SLC25A30: variants seen among roughly 807,000 people sequenced by gnomAD.
The protein encoded by SLC25A30 is kidney mitochondrial carrier protein 1.
In SLC25A30, 29 loss-of-function variants were observed where a neutral mutation model predicts 42.7. That is an observed-to-expected ratio of 0.68 (90% confidence interval 0.51 to 0.93). SLC25A30 has a LOEUF of 0.93. Ranked by LOEUF, SLC25A30 falls within the 40% of genes least tolerant of loss-of-function variation. The pLI, the probability that SLC25A30 is intolerant of heterozygous loss-of-function variation, is 0.00. For missense variants in SLC25A30, 300 were observed against 359.7 expected, an observed-to-expected ratio of 0.83 and a Z score of 1.34; for synonymous variants, 124 against 131.0, an observed-to-expected ratio of 0.95 and a Z score of 0.37.
At position 45,405,920 on chromosome 13, in the gene SLC25A30, G is replaced by C; in HGVS notation, c.270C>G (p.Tyr90Ter). ...CAATGAATAGTCGCTTCAAGCTCTG[G>C]TAAGTGCCTATCTTGATGGTGCCAT... ...ASYGTIKIGT[Y>*]QSLKRLFIER... is the part of the protein sequence containing the mutation. Residue 90 changes from tyrosine to a stop codon, truncating the protein, a stop_gained, in exon 4 of 10, where the codon TAC becomes TAG. Transcript: ENST00000519676. LOFTEE classifies it high-confidence loss of function. The C allele has an allele frequency of 6.2e-7, 1 of 1,614,188 alleles. No individual in the cohort carries two copies. The highest frequency in any genetic ancestry group is 1.1e-5 in the South Asian group (1 of 91,084).
chr13:45,409,814 T>C (rs1882849150), intron 2 of SLC25A30, among the ~76,000 whole-genome samples: 1 of 151,978 alleles, frequency 6.6e-6, no homozygotes, highest in Non-Finnish European at 1.5e-5. Flanking sequence ...GTCTCCAAAA[T>C]AAAATAAAAT....
chr13:45,406,091 T>TG, intron 3 of SLC25A30, 114 bp from the exon 4 acceptor site: 1 of 930,210 alleles, frequency 1.1e-6, no homozygotes. Flanking sequence ...TAAAACAATT[T>TG]TTTTTTTTTG....
upstream of SLC25A30, among the ~76,000 whole-genome samples, chr13:45,422,892 G>A (rs1883923495): frequency 6.6e-6 from 1 of 151,998 alleles, no homozygotes; most frequent in Non-Finnish European, 1.5e-5. Flanking sequence ...TCATCCATCA[G>A]GCCTCAGTTT....
rs142193673 is a variant in SLC25A30 at position 45,401,154 on chromosome 13, C to G, written c.543G>C (p.Pro181=). 9 of 1,613,920 alleles carry G rather than the reference C, an allele frequency of 5.6e-6. No individual in the cohort carries two copies. The highest frequency in any genetic ancestry group is 7.6e-6 in the Non-Finnish European group (9 of 1,179,872). Residue 181 remains proline, a synonymous_variant, in exon 7 of 10, where the codon CCG becomes CCC. Coordinates refer to ENST00000519676, the MANE Select transcript of SLC25A30 (RefSeq NM_001010875.4). Reference sequence around the variant, plus strand: ...GATGCTTCTTGGTGATGTCATAGACCGGCAGCTCCACACCAACAACAATAG... The same window carrying G: ...GATGCTTCTTGGTGATGTCATAGACGGGCAGCTCCACACCAACAACAATAG... ...RAAIVVGVEL[P]VYDITKKHLI... is the part of the protein sequence containing the mutation.
intron 8 of SLC25A30, chr13:45,398,118 G>GC (rs1156380382): frequency 2.2e-6 from 2 of 904,590 alleles, no homozygotes; most frequent in Non-Finnish European, 2.6e-6. Flanking sequence ...CACAAAAGTG[G>GC]CCCCTGTAGC....
At chr13:45,400,014 T>TTA (rs1322955547) in intron 7 of SLC25A30, among the ~76,000 whole-genome samples, 1,567 of 88,774 alleles carry the variant, frequency 0.018, 42 homozygotes, top group Admixed American at 0.054. Flanking sequence ...TTATGTATGA[T>TTA]TATATATATA....
At chr13:45,420,261 T>C (rs1160380436), upstream of SLC25A30, 1 of 152,210 alleles carries the variant, frequency 6.6e-6, no homozygotes, top group Non-Finnish European at 1.5e-5. Flanking sequence ...AGGCCCCAGG[T>C]TGAGCTTAAA....
intron 1 of SLC25A30, among the ~76,000 whole-genome samples, chr13:45,415,154 C>T (rs1004057275): frequency 2.6e-5 from 4 of 152,290 alleles, no homozygotes; most frequent in Admixed American, 6.5e-5. Context: ...TGAATACCTG[C>T]TGTTAGGCAT....
the SLC25A30 span, among the ~76,000 whole-genome samples, chr13:45,433,895 T>A: frequency 1.1e-4 from 16 of 152,336 alleles, no homozygotes; most frequent in South Asian, 2.7e-3. Context: ...TCTTTATTAT[T>A]CTATTTTTTG....
intron 8 of SLC25A30, chr13:45,398,336 T>C (rs1010884911): frequency 6.6e-6 from 1 of 152,238 alleles, no homozygotes; most frequent in African/African-American, 2.4e-5. Context: ...AAAAATTATC[T>C]GTCTGGTGTA....
the SLC25A30 span, among the ~76,000 whole-genome samples, chr13:45,423,678 T>TTATATAAATATATAAAAA: frequency 2.0e-4 from 4 of 19,668 alleles, no homozygotes; most frequent in African/African-American, 1.3e-3. Context: ...AAATACATAT[T>TTATATAAATATATAAAAA]TATATAAATA....
chr13:45,425,076 ATATAAATATATAAATATATT>A, the SLC25A30 span, among the ~76,000 whole-genome samples: 287 of 33,544 alleles, frequency 8.6e-3, 16 homozygotes, highest in African/African-American at 0.033. Flanking sequence ...ATATACATAT[ATATAAATATATAAATATATT>A]TATAAATATA....
chr13:45,414,408 A>T (rs1161823799), intron 1 of SLC25A30, among the ~76,000 whole-genome samples: 1 of 152,126 alleles, frequency 6.6e-6, no homozygotes, highest in East Asian at 1.9e-4. Context: ...ACCTGAGGTC[A>T]GGAGTTCAAG....
At chr13:45,403,649 A>G (rs139341806) in intron 5 of SLC25A30, among the ~76,000 whole-genome samples, 1,664 of 152,296 alleles carry the variant, frequency 0.011, 12 homozygotes, top group Middle Eastern at 0.02. Context: ...TTAACAAAGA[A>G]GATGCAGGCC....
the SLC25A30 span, among the ~76,000 whole-genome samples, chr13:45,423,570 T>G: frequency 1.1e-5 from 1 of 93,126 alleles, no homozygotes; most frequent in Non-Finnish European, 2.2e-5. Context: ...AATATATAAA[T>G]ATATATAAAA....
At chr13:45,415,956 C>A (rs191050411) in intron 1 of SLC25A30, among the ~76,000 whole-genome samples, 1 of 150,700 alleles carries the variant, frequency 6.6e-6, no homozygotes, top group Admixed American at 6.6e-5. Context: ...CGTGCCACCA[C>A]GTCCAGCTAA....
chr13:45,430,548 G>A, the SLC25A30 span, among the ~76,000 whole-genome samples: 1 of 152,108 alleles, frequency 6.6e-6, no homozygotes, highest in Non-Finnish European at 1.5e-5. Context: ...GCTCATGCCT[G>A]TAATCCCAGC....
chr13:45,428,583 C>T, the SLC25A30 span, among the ~76,000 whole-genome samples: 454 of 123,142 alleles, frequency 3.7e-3, 6 homozygotes, highest in Admixed American at 0.032. Context: ...AGTGCAGTGG[C>T]GTGATCTCTG....
At chr13:45,417,099 C>T (rs1248820889) in intron 1 of SLC25A30, among the ~76,000 whole-genome samples, 1 of 152,126 alleles carries the variant, frequency 6.6e-6, no homozygotes, top group Non-Finnish European at 1.5e-5. Context: ...CTGCAACCTC[C>T]GTCTCCTGGA....
Sources: gnomAD v4.1 joint callset for allele counts (sites outside exome capture counted in the v4.1 genomes callset) on GRCh38, gnomAD v4.1.1 for gene constraint, MANE v1.5 for transcripts, NCBI Gene and HGNC (gene_info 2026-07-23, HGNC 2026-07-21) for gene names.